SBDS: variants seen among roughly 807,000 people sequenced by gnomAD.
The protein encoded by SBDS is SBDS ribosome maturation factor.
In SBDS, 20 loss-of-function variants were observed where a neutral mutation model predicts 26.4. The observed-to-expected ratio is 0.76, with a 90% confidence interval of 0.53 to 1.10. The LOEUF (loss-of-function observed/expected upper bound fraction) is 1.10. Among genes scored for constraint, SBDS ranks in the 50% least tolerant of loss-of-function variants. The probability of loss-of-function intolerance (pLI) is 0.00; values close to 1 mark genes in which losing one functional copy is unlikely to be tolerated. For missense variants in SBDS, 241 were observed against 302.0 expected (o/e 0.80, Z 1.50); for synonymous variants, 95 against 105.1 (o/e 0.90, Z 0.59).
Position 66,988,411 on chromosome 7 carries a change from T to C in SBDS, c.713A>G (p.Asn238Ser), listed in dbSNP as rs747312896. Reference sequence around the variant, plus strand: ...ATCTCCTTCTTCTACATCTTTCAGATTGAGTACTTCCAAAGAACCTTTGCC... The same window carrying C: ...ATCTCCTTCTTCTACATCTTTCAGACTGAGTACTTCCAAAGAACCTTTGCC... ...TKGKGSLEVL[N>S]LKDVEEGDEK... The change falls in exon 5 of 5, where the codon AAT becomes AGT. Residue 238 changes from asparagine (N) to serine (S), a missense_variant. Physicochemically the swap from Asn to Ser is conservative, Grantham distance 46. Coordinates refer to ENST00000246868, the MANE Select transcript of SBDS (RefSeq NM_016038.4). 6.2e-7 allele frequency: 1 copy of C among 1,613,918 alleles called. No individual in the cohort carries two copies. Among genetic ancestry groups the C allele is most frequent in the Non-Finnish European group, 8.5e-7 (1 of 1,180,006 alleles).
chr7:66,988,827 C>T (rs1792918359), intron 4 of SBDS, among the ~76,000 whole-genome samples: 5 of 152,160 alleles, frequency 3.3e-5, no homozygotes, highest in Admixed American at 3.3e-4. Context: ...TTTTATAGCT[C>T]AGTAAAGTCA....
At chr7:66,992,805 C>T (rs1793002044) in intron 3 of SBDS, among the ~76,000 whole-genome samples, 1 of 151,906 alleles carries the variant, frequency 6.6e-6, no homozygotes, top group African/African-American at 2.4e-5. Flanking sequence ...GTCAGGAGTT[C>T]AAGACCAGCC....
rs756239598 is a variant in SBDS at position 66,995,345 on chromosome 7, T to G, written c.73A>C (p.Lys25Gln). The G allele has an allele frequency of 6.2e-7, 1 of 1,614,124 alleles. No individual in the cohort carries two copies. Among genetic ancestry groups the G allele is most frequent in the South Asian group, 1.1e-5 (1 of 91,086 alleles). ...VAVVRMKRAG[K>Q]RFEIACYKNK... ...TTGTAGCAGGCGATTTCGAAGCGCT[T>G]CCCGGCACGCTTCATCCGTACCACG... Residue 25 changes from lysine to glutamine, a missense_variant, in exon 1 of 5, where the codon AAG becomes CAG. Physicochemically the swap from Lys to Gln is moderately conservative, Grantham distance 53 (BLOSUM62 1). Transcript: ENST00000246868.
intron 4 of SBDS, among the ~76,000 whole-genome samples, chr7:66,988,929 G>C (rs145155309): frequency 0.036 from 5,542 of 152,114 alleles, 164 homozygotes; most frequent in Middle Eastern, 0.092. Flanking sequence ...GAGTGCAGTG[G>C]TGTGATCTTG....
intron 3 of SBDS, among the ~76,000 whole-genome samples, chr7:66,991,526 C>T (rs1405766323): frequency 6.6e-6 from 1 of 152,084 alleles, no homozygotes; most frequent in Non-Finnish European, 1.5e-5. Flanking sequence ...GGTGTGGTGG[C>T]TCACGCCTGT....
Position 66,995,572 on chromosome 7 carries a change from C to T in SBDS, c.-155G>A, listed in dbSNP as rs376037363. 3 of 1,083,490 alleles carry T rather than the reference C, an allele frequency of 2.8e-6. No homozygotes were observed. Among genetic ancestry groups the T allele is most frequent in the African/African-American group, 1.6e-5 (1 of 63,964 alleles). The allele number at this position is 1,083,490 out of a possible 1,614,324, so 67.1% of individuals were successfully genotyped here. A position where few individuals can be genotyped will look rare whatever the true frequency, so the allele number is the denominator to read the frequency against. On this transcript the variant is annotated 5_prime_UTR_variant, in exon 1 of 5. Coordinates refer to ENST00000246868, the MANE Select transcript of SBDS (RefSeq NM_016038.4). ...CCGCGACTCACTAGCTTCAGGCAGC[C>T]GTCACAGTGTGTCTGGCAGGCTTAC...
Position 66,995,565 on chromosome 7 carries a change from A to C in SBDS, c.-148T>G, listed in dbSNP as rs1793096081. 1 of 1,163,412 alleles carries C rather than the reference A, an allele frequency of 8.6e-7. No individual in the cohort carries two copies. Among genetic ancestry groups the C allele is most frequent in the Non-Finnish European group, 1.2e-6 (1 of 806,574 alleles). 72.1% of individuals were successfully genotyped at this position (1,163,412 alleles called of 1,614,324 possible). ...CGCGGCGCCGCGACTCACTAGCTTC[A>C]GGCAGCCGTCACAGTGTGTCTGGCA... On this transcript the variant is annotated 5_prime_UTR_variant, in exon 1 of 5. Transcript: ENST00000246868.
At position 66,993,325 on chromosome 7, in the gene SBDS, G is replaced by C. The variant is rs764577561; in HGVS notation, c.351C>G (p.Asp117Glu). ...MFRDIATIVA[D>E]KCVNPETKRP... Reference sequence around the variant, plus strand: ...TCTTTGTTTCAGGATTCACACATTTGTCTGCCACAATAGTTGCAATGTCCC... The same window carrying C: ...TCTTTGTTTCAGGATTCACACATTTCTCTGCCACAATAGTTGCAATGTCCC... The change falls in exon 3 of 5, where the codon GAC becomes GAG. Residue 117 changes from aspartate to glutamate, a missense_variant. By Grantham distance (45) the Asp-to-Glu change is conservative. Coordinates refer to ENST00000246868, the MANE Select transcript of SBDS (RefSeq NM_016038.4). 4.3e-6 allele frequency: 7 copies of C among 1,613,870 alleles called. No individual in the cohort carries two copies. In the African/African-American group the frequency reaches 6.7e-5, roughly 15 times the overall value.
At position 66,993,388 on chromosome 7, in the gene SBDS, T is replaced by A; in HGVS notation, c.288A>T (p.Ser96=). 2 of 1,614,110 alleles carry A rather than the reference T, an allele frequency of 1.2e-6. No homozygotes were observed. Among genetic ancestry groups the A allele is most frequent in the Non-Finnish European group, 1.7e-6 (2 of 1,179,992 alleles). The change falls in exon 3 of 5, where the codon TCA becomes TCT. Residue 96 remains serine, a synonymous_variant. Transcript: ENST00000246868. ...QILTKGEVQV[S]DKERHTQLEQ... is the part of the protein sequence containing the mutation. ...CCAGTTGTGTGTGTCTTTCTTTATCTGATACTTGAACTTCTCCTTTAGTCA... is the reference window on the plus strand; with the variant it reads ...CCAGTTGTGTGTGTCTTTCTTTATCAGATACTTGAACTTCTCCTTTAGTCA...
Position 66,988,005 on chromosome 7 carries a change from G to A in SBDS, c.*366C>T, listed in dbSNP as rs1483415910. On this transcript the variant is annotated 3_prime_UTR_variant, in exon 5 of 5. Transcript: ENST00000246868. ...TTTAGGAAAGACCCCCCCTTTTGTT[G>A]TATAGACATACCCCTAATAATCTTA... 3.1e-6 allele frequency: 1 copy of A among 324,862 alleles called. No individual in the cohort carries two copies. Among genetic ancestry groups the A allele is most frequent in the Admixed American group, 4.7e-5 (1 of 21,498 alleles). The allele number at this position is 324,862 out of a possible 1,614,324, so 20.1% of individuals were successfully genotyped here.
Position 66,993,122 on chromosome 7 carries a change from C to A in SBDS, c.459+95G>T, listed in dbSNP as rs192913703. 52 of 1,139,076 alleles carry A rather than the reference C, an allele frequency of 4.6e-5. 1 individual carries two copies. The African/African-American group carries it at 6.7e-4, about 15-fold the overall frequency. The allele number at this position is 1,139,076 out of a possible 1,614,324, so 70.6% of individuals were successfully genotyped here. On this transcript the variant is annotated intron_variant, in intron 3 of 4. Coordinates refer to ENST00000246868, the MANE Select transcript of SBDS (RefSeq NM_016038.4). ...AAAGTGCTAGGATTACAGGCATGAA[C>A]CATTGTGCCTGGCCCCAGACCCATT...
At chr7:66,994,643 C>A (rs546649278) in intron 1 of SBDS, among the ~76,000 whole-genome samples, 2 of 152,150 alleles carry the variant, frequency 1.3e-5, no homozygotes, top group African/African-American at 4.8e-5. Flanking sequence ...TACAGGCATG[C>A]GCCACCACAC....
In SBDS at chr7:66,988,033, C is replaced by T. The variant is rs1792904313; in HGVS notation, c.*338G>A. ...TAGACATACCCCTAATAATCTTACT[C>T]TACTGTACAAATAACTTTTCACCCA... On this transcript the variant is annotated 3_prime_UTR_variant, in exon 5 of 5. Transcript: ENST00000246868. 2 of 405,556 alleles carry T rather than the reference C, an allele frequency of 4.9e-6. No homozygotes were observed. The highest frequency in any genetic ancestry group is 4.9e-5 in the South Asian group (2 of 40,892). 25.1% of individuals were successfully genotyped at this position (405,556 alleles called of 1,614,324 possible).
intron 1 of SBDS, among the ~76,000 whole-genome samples, chr7:66,994,782 C>T (rs573484511): frequency 2.0e-5 from 3 of 152,286 alleles, no homozygotes; most frequent in African/African-American, 7.2e-5. Flanking sequence ...ACCGTATTTG[C>T]CTTACCATTT....
intron 4 of SBDS, 21 bp from the exon 5 acceptor site, chr7:66,988,520 G>C: frequency 6.2e-7 from 1 of 1,612,166 alleles, no homozygotes; most frequent in Non-Finnish European, 8.5e-7. Flanking sequence ...TAACGTAGCA[G>C]ATTACCACAT....
chr7:66,995,224 G>A (rs1371772831), intron 1 of SBDS, 66 bp downstream of exon 1: 6 of 1,609,118 alleles, frequency 3.7e-6, no homozygotes, highest in Non-Finnish European at 5.1e-6. Context: ...GACTTGGGCA[G>A]AGACAGGCCG....
rs1197664803 is a variant in SBDS at position 66,993,412 on chromosome 7, C to T, written c.264G>A (p.Leu88=). The change falls in exon 3 of 5, where the codon TTG becomes TTA. Residue 88 remains leucine (L), a synonymous_variant. Transcript: ENST00000246868. ...DDQTEICKQI[L]TKGEVQVSDK... is the part of the protein sequence containing the mutation. ...CTGATACTTGAACTTCTCCTTTAGT[C>T]AAAATCTAAAAAAATGCCAACACAT... is the stretch of plus-strand genomic sequence containing the variant. 4.3e-6 allele frequency: 7 copies of T among 1,613,376 alleles called. No homozygotes were observed. In the Admixed American group the frequency reaches 5.0e-5, roughly 12 times the overall value.
chr7:66,991,339 A>T (rs369800044), intron 3 of SBDS, 38 bp from the exon 4 acceptor site: 1 of 1,504,170 alleles, frequency 6.6e-7, no homozygotes, highest in Non-Finnish European at 9.2e-7. Flanking sequence ...TTCTTCTACT[A>T]TATTATTTCA....
At position 66,993,358 on chromosome 7, in the gene SBDS, C is replaced by G. The variant is rs1454493579; in HGVS notation, c.318G>C (p.Gln106His). The G allele has an allele frequency of 6.2e-7, 1 of 1,614,008 alleles. No individual in the cohort carries two copies. Among genetic ancestry groups the G allele is most frequent in the East Asian group, 2.2e-5 (1 of 44,890 alleles). The part of the protein sequence containing the change: ...SDKERHTQLE[Q>H]MFRDIATIVA... ...CAATAGTTGCAATGTCCCTAAACAT[C>G]TGCTCCAGTTGTGTGTGTCTTTCTT... Residue 106 changes from glutamine to histidine, a missense_variant, in exon 3 of 5, where the codon CAG becomes CAC. Gln to His is a conservative substitution (Grantham distance 24, BLOSUM62 0). Transcript: ENST00000246868.
Sources: allele counts gnomAD v4.1 joint callset (sites outside exome capture counted in the v4.1 genomes callset), GRCh38; gene constraint gnomAD v4.1.1; transcripts MANE v1.5; gene names NCBI Gene and HGNC (gene_info 2026-07-23, HGNC 2026-07-21).